Variants in TTC9C observed in about 807,000 individuals in gnomAD.
TTC9C encodes the protein tetratricopeptide repeat domain 9C.
A neutral mutation model predicts 22.5 loss-of-function variants in TTC9C; 15 were observed. The observed-to-expected ratio is 0.67, with a 90% CI of 0.45 to 1.03. TTC9C has a LOEUF of 1.03. TTC9C is among the 50% of genes least tolerant of loss of function. The pLI is 0.00. For missense variants in TTC9C, 244 were observed against 214.6 expected, an observed-to-expected ratio of 1.14 and a Z score of -0.86; for synonymous variants, 92 against 86.8, an observed-to-expected ratio of 1.06 and a Z score of -0.33.
intron 1 of TTC9C, chr11:62,733,060 C>G: frequency 9.2e-7 from 1 of 1,086,764 alleles, no homozygotes; most frequent in Non-Finnish European, 1.2e-6. Flanking sequence ...CTCATCACTG[C>G]TGATTCTTGA....
chr11:62,728,829 A>T lies in TTC9C; in HGVS notation c.-20A>T, dbSNP rs773016283. 3 of 1,613,292 alleles carry T rather than the reference A, an allele frequency of 1.9e-6. No homozygotes were observed. The highest frequency in any genetic ancestry group is 2.5e-6 in the Non-Finnish European group (3 of 1,179,252). ...TTGCTCCTTCACTTCCCAGTTCCGC[A>T]AGAACCGTGGGCGACAGTTATGGAG... is the stretch of plus-strand genomic sequence containing the variant. On this transcript the variant is annotated 5_prime_UTR_variant, in exon 1 of 3. Coordinates refer to ENST00000316461, the MANE Select transcript of TTC9C (RefSeq NM_173810.4).
At position 62,735,480 on chromosome 11, in the gene TTC9C, C is replaced by A. The variant is rs752652200; in HGVS notation, c.337C>A (p.Arg113=). ...GCCTGATAATGCCAAGGCCTTGTAT[C>A]GGGCCGGAGTGGCCTTTTTCCATCT... ...RQPDNAKALY[R]AGVAFFHLQD... Residue 113 remains arginine, a synonymous_variant, in exon 2 of 3, where the codon CGG becomes AGG. Transcript: ENST00000316461. 1 of 1,613,948 alleles carries A rather than the reference C, an allele frequency of 6.2e-7. No homozygotes were observed. The highest frequency in any genetic ancestry group is 8.5e-7 in the Non-Finnish European group (1 of 1,180,030).
In TTC9C at chr11:62,735,440, A is replaced by G. The variant is rs776891871; in HGVS notation, c.297A>G (p.Lys99=). 4 of 1,614,052 alleles carry G rather than the reference A, an allele frequency of 2.5e-6. No homozygotes were observed. In the African/African-American group the frequency reaches 4.0e-5, roughly 16 times the overall value. ...AACGAGTGAGAGAATATAGTCAGAA[A>G]GTCCTGGAACGACAGCCTGATAATG... ...NYERVREYSQ[K]VLERQPDNAK... The change falls in exon 2 of 3, where the codon AAA becomes AAG. Residue 99 remains lysine (K), a synonymous_variant. Coordinates refer to ENST00000316461, the MANE Select transcript of TTC9C (RefSeq NM_173810.4).
chr11:62,729,349 C>T (rs2083815821), intron 1 of TTC9C, among the ~76,000 whole-genome samples: 1 of 151,378 alleles, frequency 6.6e-6, no homozygotes, highest in Non-Finnish European at 1.5e-5. Flanking sequence ...GACGTGGGGC[C>T]TATCAGTTTG....
At chr11:62,732,827 C>A (rs1381877638) in intron 1 of TTC9C, among the ~76,000 whole-genome samples, 1 of 151,658 alleles carries the variant, frequency 6.6e-6, no homozygotes, top group Non-Finnish European at 1.5e-5. Flanking sequence ...GAAGCTGAGG[C>A]AAGAGAATCG....
At chr11:62,730,824 C>T (rs2083839899) in intron 1 of TTC9C, among the ~76,000 whole-genome samples, 1 of 152,116 alleles carries the variant, frequency 6.6e-6, no homozygotes, top group Non-Finnish European at 1.5e-5. Context: ...CCGCCCACCT[C>T]GGCCTCCCAA....
At chr11:62,737,199 AAAAACAAAAC>A (rs372706776) in intron 2 of TTC9C, among the ~76,000 whole-genome samples, 5 of 152,146 alleles carry the variant, frequency 3.3e-5, no homozygotes, top group Non-Finnish European at 7.3e-5. Flanking sequence ...ACTCCATCTC[AAAAACAAAAC>A]AAAACAAAAC....
At chr11:62,731,425 G>A (rs948720641) in intron 1 of TTC9C, among the ~76,000 whole-genome samples, 4 of 151,968 alleles carry the variant, frequency 2.6e-5, no homozygotes, top group South Asian at 2.1e-4. Context: ...GGCGCAACCC[G>A]GTCTCTACAA....
chr11:62,735,285 T>C, intron 1 of TTC9C, 97 bp from the exon 2 acceptor site: 1 of 1,474,022 alleles, frequency 6.8e-7, no homozygotes, highest in Non-Finnish European at 9.1e-7. Flanking sequence ...TGACTGAATG[T>C]TGTTACCACC....
intron 1 of TTC9C, among the ~76,000 whole-genome samples, chr11:62,729,592 T>TTTTTTA (rs2083822574): frequency 6.9e-6 from 1 of 145,126 alleles, no homozygotes; most frequent in African/African-American, 2.6e-5. Flanking sequence ...TTTTTTTTTT[T>TTTTTTA]GAGACGGAGT....
intron 1 of TTC9C, among the ~76,000 whole-genome samples, chr11:62,730,898 T>A (rs573148278): frequency 5.8e-4 from 82 of 140,454 alleles, no homozygotes; most frequent in Non-Finnish European, 9.2e-4. Context: ...TTTATTTATT[T>A]TTTTTTTTGA....
At chr11:62,729,980 A>C (rs1565169673) in intron 1 of TTC9C, among the ~76,000 whole-genome samples, 1 of 152,226 alleles carries the variant, frequency 6.6e-6, no homozygotes, top group Non-Finnish European at 1.5e-5. Flanking sequence ...TGTTTATTTA[A>C]GGGACATTTA....
chr11:62,732,414 G>C (rs2083861637), intron 1 of TTC9C, among the ~76,000 whole-genome samples: 1 of 151,842 alleles, frequency 6.6e-6, no homozygotes, highest in Non-Finnish European at 1.5e-5. Flanking sequence ...TTCAAGACCA[G>C]CCTGACCAAC....
At position 62,735,376 on chromosome 11, in the gene TTC9C, C is replaced by T; in HGVS notation, c.239-6C>T. The stretch of plus-strand genomic sequence containing the variant: ...ACCTCTTCTCTCTTTTCATTTGGCC[C>T]ATTAGCTTGTCTCCTTCAGATGGAG... On this transcript the variant is annotated splice_region_variant and splice_polypyrimidine_tract_variant and intron_variant, in intron 1 of 2. Coordinates refer to ENST00000316461, the MANE Select transcript of TTC9C (RefSeq NM_173810.4). 6.2e-7 allele frequency: 1 copy of T among 1,613,476 alleles called. No homozygotes were observed. Among genetic ancestry groups the T allele is most frequent in the South Asian group, 1.1e-5 (1 of 91,038 alleles).
chr11:62,728,243 G>C (rs571255227), upstream of TTC9C: 22 of 327,776 alleles, frequency 6.7e-5, no homozygotes, highest in African/African-American at 4.8e-4. Context: ...GGCATCTGCA[G>C]AGGGCGAGGA....
At chr11:62,730,416 G>A (rs995278802) in intron 1 of TTC9C, among the ~76,000 whole-genome samples, 2 of 152,020 alleles carry the variant, frequency 1.3e-5, no homozygotes, top group Non-Finnish European at 2.9e-5. Flanking sequence ...ATGTTGGGCA[G>A]TCATTTACAG....
rs2083809848 is a variant in TTC9C at position 62,729,096 on chromosome 11, G to C, written c.238+10G>C. ...TATAACAATCTAGCTGGTAAGAACG[G>C]GGCTAAAGGGTGGCTAGAGAGCATT... On this transcript the variant is annotated intron_variant, in intron 1 of 2. Coordinates refer to ENST00000316461, the MANE Select transcript of TTC9C (RefSeq NM_173810.4). 2 of 1,609,972 alleles carry C rather than the reference G, an allele frequency of 1.2e-6. No individual in the cohort carries two copies. The highest frequency in any genetic ancestry group is 2.7e-5 in the African/African-American group (2 of 74,872).
chr11:62,728,645 C>T lies in TTC9C; in HGVS notation c.-204C>T, dbSNP rs561397040. 5.1e-5 allele frequency: 35 copies of T among 690,856 alleles called. No homozygotes were observed. The East Asian group carries it at 7.2e-4, about 14-fold the overall frequency. The allele number at this position is 690,856 out of a possible 1,614,324, so 42.8% of individuals were successfully genotyped here. A position where few individuals can be genotyped will look rare whatever the true frequency, so the allele number is the denominator to read the frequency against. On this transcript the variant is annotated 5_prime_UTR_variant, in exon 1 of 3. Coordinates refer to ENST00000316461, the MANE Select transcript of TTC9C (RefSeq NM_173810.4). ...CTTTCCTTACTACTTGCCTGCACTT[C>T]TTGAGAAAAAGACTGCAGAAAGGAG...
intron 1 of TTC9C, among the ~76,000 whole-genome samples, chr11:62,731,473 G>A (rs542170467): frequency 3.9e-5 from 6 of 152,066 alleles, no homozygotes; most frequent in African/African-American, 9.6e-5. Context: ...TGTGCTTGCC[G>A]GTAGTCCCAG....
Sources: gnomAD v4.1 joint callset for allele counts (sites outside exome capture counted in the v4.1 genomes callset) on GRCh38, gnomAD v4.1.1 for gene constraint, MANE v1.5 for transcripts, NCBI Gene and HGNC (gene_info 2026-07-23, HGNC 2026-07-21) for gene names.